The following RPH3AL variants were observed in gnomAD, a reference collection of about 807,000 sequenced individuals.
RPH3AL encodes rabphilin 3A like (without C2 domains).
A neutral mutation model predicts 43.1 loss-of-function variants in RPH3AL; 38 were observed. The observed-to-expected ratio is 0.88, with a 90% CI of 0.68 to 1.15. RPH3AL has a LOEUF of 1.15. RPH3AL is among the 50% of genes most tolerant of loss of function. The pLI, the probability that RPH3AL is intolerant of heterozygous loss-of-function variation, is 0.00. For synonymous variants in RPH3AL, 189 were observed against 176.3 expected (o/e 1.07, Z -0.57); for missense variants, 462 against 423.2 (o/e 1.09, Z -0.81).
chr17:281,902 C>T, intron 5 of RPH3AL, 48 bp from the exon 6 acceptor site: 1 of 1,448,802 alleles, frequency 6.9e-7, no homozygotes, highest in Non-Finnish European at 9.7e-7. Context: ...CCGCTTCCTC[C>T]TCCGCCGAGG....
intron 6 of RPH3AL, among the ~76,000 whole-genome samples, chr17:275,070 T>C (rs550212075): frequency 6.6e-6 from 1 of 152,048 alleles, no homozygotes; most frequent in African/African-American, 2.4e-5. Flanking sequence ...CTGGTATTAA[T>C]ACAGGCACTC....
chr17:273,443 A>T (rs377548802), intron 6 of RPH3AL, among the ~76,000 whole-genome samples: 4 of 60,366 alleles, frequency 6.6e-5, no homozygotes, highest in Non-Finnish European at 1.1e-4. Flanking sequence ...GACGTCAGGA[A>T]GAGACCCCAG....
intron 5 of RPH3AL, among the ~76,000 whole-genome samples, chr17:284,121 C>G (rs1022896572): frequency 6.6e-6 from 1 of 152,238 alleles, no homozygotes; most frequent in African/African-American, 2.4e-5. Flanking sequence ...GCAGAGTGCC[C>G]TGCCCTGCAT....
chr17:316,781 C>CAT (rs2044236145), intron 5 of RPH3AL, among the ~76,000 whole-genome samples: 1 of 112,518 alleles, frequency 8.9e-6, no homozygotes, highest in Non-Finnish European at 1.8e-5. Flanking sequence ...TCCCTGTGCC[C>CAT]CCACCTCCAT....
rs752639870 is a variant in RPH3AL, at chr17:215,565, C to T, written c.876+89G>A. On this transcript the variant is annotated intron_variant, in intron 9 of 9. Coordinates refer to ENST00000331302, the MANE Select transcript of RPH3AL (RefSeq NM_006987.4). This position sits in a 1 kb window ranked among gnomAD's most constrained non-coding sequence, Gnocchi z 4.1. ...ACAACATGCAGAATTGAAAACGTCA[C>T]CGACCAGTCTCCAGTTTGGGAGGAG... The T allele has an allele frequency of 5.5e-4, 635 of 1,158,250 alleles. No homozygotes were observed. Among genetic ancestry groups the T allele is most frequent in the Non-Finnish European group, 6.7e-4 (616 of 913,856 alleles). The allele number at this position is 1,158,250 out of a possible 1,614,324, so 71.7% of individuals were successfully genotyped here.
Position 332,039 on chromosome 17 carries a change from G to T in RPH3AL, c.-37+1720C>A, listed in dbSNP as rs530227823. 43 of 413,006 alleles carry T rather than the reference G, an allele frequency of 1.0e-4. 1 individual carries two copies. The highest frequency in any genetic ancestry group is 8.3e-4 in the South Asian group (42 of 50,872). The allele number at this position is 413,006 out of a possible 1,614,324, so 25.6% of individuals were successfully genotyped here. ...GTGGACAGGGCTGGTGGAGCTCTGG[G>T]GGGAGCAGAGGCAGGAGGTTTTGTG... On this transcript the variant is annotated intron_variant, in intron 2 of 9. Transcript: ENST00000331302.
chr17:253,180 C>A (rs7217222), intron 6 of RPH3AL, among the ~76,000 whole-genome samples: 2 of 152,070 alleles, frequency 1.3e-5, no homozygotes, highest in Non-Finnish European at 2.9e-5. Context: ...GGGCGTGGGG[C>A]GAACAATGGA....
rs71143481 is a variant in RPH3AL, at chr17:232,829, CGTGTGTGTGTGT to C, written c.614-13105_614-13094del. On this transcript the variant is annotated intron_variant, in intron 7 of 9. Transcript: ENST00000331302. ...CTTGTCTCTAAACAGTCCTTTCCGG[CGTGTGTGTGTGT>C]GTGTGTGTGTGTGTGTGTGTGTGTG... Among the ~76,000 whole-genome samples the C allele has an allele frequency of 9.9e-3, 1,179 of 119,490 alleles. 24 individuals are homozygous for C. Among genetic ancestry groups the C allele is most frequent in the South Asian group, 0.023 (73 of 3,108 alleles). 78.4% of individuals were successfully genotyped at this position (119,490 alleles called of 152,430 possible).
intron 5 of RPH3AL, among the ~76,000 whole-genome samples, chr17:312,159 G>C (rs532056560): frequency 5.9e-5 from 9 of 152,248 alleles, no homozygotes; most frequent in Admixed American, 2.6e-4. Context: ...AAATTAGACA[G>C]GCGTGGTGGC....
intron 5 of RPH3AL, among the ~76,000 whole-genome samples, chr17:313,734 G>T (rs57332907): frequency 0.15 from 22,447 of 152,134 alleles, 1,951 homozygotes; most frequent in African/African-American, 0.23. Context: ...CACGGCGTCG[G>T]CAGGACCCAG....
chr17:238,597 T>C (rs948921121), intron 7 of RPH3AL, among the ~76,000 whole-genome samples: 3 of 152,190 alleles, frequency 2.0e-5, no homozygotes, highest in Non-Finnish European at 4.4e-5. Flanking sequence ...AAGAGAAGAA[T>C]TGCAAAGACA....
At chr17:219,205 T>C (rs868562454) in intron 8 of RPH3AL, among the ~76,000 whole-genome samples, 2 of 136,354 alleles carry the variant, frequency 1.5e-5, no homozygotes, top group Non-Finnish European at 3.2e-5. Flanking sequence ...TTTTTTTTTT[T>C]TTTTTTTTTT....
intron 6 of RPH3AL, among the ~76,000 whole-genome samples, chr17:250,131 T>C (rs1597933475): frequency 6.8e-6 from 1 of 147,784 alleles, no homozygotes; most frequent in East Asian, 2.1e-4. Context: ...GCGGGACCTC[T>C]CGGAGCCTTT....
chr17:292,739 G>A (rs982205288), intron 5 of RPH3AL, among the ~76,000 whole-genome samples: 12 of 152,136 alleles, frequency 7.9e-5, no homozygotes, highest in Non-Finnish European at 1.2e-4. Context: ...CTTCCAGAAC[G>A]ACAGATGAGG....
chr17:327,357 T>A (rs1203032010), intron 3 of RPH3AL, 110 bp downstream of exon 3: 11 of 965,454 alleles, frequency 1.1e-5, no homozygotes, highest in Non-Finnish European at 1.8e-5. Context: ...GACAGGCACC[T>A]CTCTCCAAAC....
At position 333,292 on chromosome 17, in the gene RPH3AL, T is replaced by A; in HGVS notation, c.-37+467A>T. The A allele has an allele frequency of 3.1e-6, 4 of 1,287,566 alleles. No individual in the cohort carries two copies. The highest frequency in any genetic ancestry group is 4.0e-6 in the Non-Finnish European group (4 of 988,356). 79.8% of individuals were successfully genotyped at this position (1,287,566 alleles called of 1,614,324 possible). A position where few individuals can be genotyped will look rare whatever the true frequency, so the allele number is the denominator to read the frequency against. On this transcript the variant is annotated intron_variant, in intron 2 of 9. Coordinates refer to ENST00000331302, the MANE Select transcript of RPH3AL (RefSeq NM_006987.4). The surrounding 1 kb of genome is among the most constrained non-coding windows in gnomAD (Gnocchi z 4.5). Reference sequence around the variant, plus strand: ...TTATGCAGCCTCACGTGGTCACTCCTGGGGGCGGTAGGATATTTTATCCTA... The same window carrying A: ...TTATGCAGCCTCACGTGGTCACTCCAGGGGGCGGTAGGATATTTTATCCTA...
chr17:266,499 G>T (rs184701620), intron 6 of RPH3AL, among the ~76,000 whole-genome samples: 3 of 152,166 alleles, frequency 2.0e-5, no homozygotes, highest in Non-Finnish European at 2.9e-5. Flanking sequence ...CAGAAGATGC[G>T]CTGGAAATCA....
chr17:295,937 C>G (rs1453618600), intron 5 of RPH3AL, among the ~76,000 whole-genome samples: 17 of 59,390 alleles, frequency 2.9e-4, no homozygotes, highest in East Asian at 1.6e-3. Flanking sequence ...GGGAGGGACA[C>G]AGATGCTGCA....
At chr17:279,310 A>G (rs1305471906) in intron 6 of RPH3AL, among the ~76,000 whole-genome samples, 2 of 152,168 alleles carry the variant, frequency 1.3e-5, no homozygotes, top group Non-Finnish European at 2.9e-5. Context: ...ACATGTTCCC[A>G]GCCCCATCCA....
Sources: allele counts gnomAD v4.1 joint callset (sites outside exome capture counted in the v4.1 genomes callset), GRCh38; gene constraint gnomAD v4.1.1; non-coding constraint Gnocchi (gnomAD v3.1); transcripts MANE v1.5; gene names NCBI Gene and HGNC (gene_info 2026-07-23, HGNC 2026-07-21).